Variants in HSPBAP1 observed in about 807,000 individuals in gnomAD.
HSPBAP1 encodes the protein HSPB1 associated protein 1, also known as HSPB1-associated protein 1.
Under a neutral mutation model 45.2 loss-of-function variants are expected in HSPBAP1, and 27 were observed. The ratio of observed to expected loss-of-function variants is 0.60; its 90% confidence interval spans 0.44 to 0.82. The LOEUF (loss-of-function observed/expected upper bound fraction) is 0.82, where lower values mean the gene tolerates loss of function less well. Among genes scored for constraint, HSPBAP1 ranks in the 40% least tolerant of loss-of-function variants. The pLI, the probability that HSPBAP1 is intolerant of heterozygous loss-of-function variation, is 0.00. For synonymous variants in HSPBAP1, 204 were observed against 202.7 expected (o/e 1.01, Z -0.06); for missense variants, 510 against 590.9 (o/e 0.86, Z 1.42).
chr3:122,748,459 C>T (rs1362780063), intron 6 of HSPBAP1, among the ~76,000 whole-genome samples: 3 of 151,638 alleles, frequency 2.0e-5, no homozygotes, highest in South Asian at 2.1e-4. Flanking sequence ...GATAAGAGAT[C>T]GAAATGCAAA....
chr3:122,779,369 T>C (rs1036639061), intron 1 of HSPBAP1, among the ~76,000 whole-genome samples: 7 of 151,748 alleles, frequency 4.6e-5, no homozygotes, highest in Non-Finnish European at 7.4e-5. Flanking sequence ...AGTTGAACAA[T>C]AGTCTGTTCA....
At chr3:122,746,889 G>A (rs62261661) in intron 6 of HSPBAP1, among the ~76,000 whole-genome samples, 1,727 of 152,144 alleles carry the variant, frequency 0.011, 12 homozygotes, top group Non-Finnish European at 0.016. Flanking sequence ...TCCTAACCGC[G>A]AGTGATCTGC....
intron 6 of HSPBAP1, 115 bp from the exon 7 acceptor site, chr3:122,741,228 G>C (rs1395174882): frequency 1.3e-6 from 1 of 789,632 alleles, no homozygotes; most frequent in Non-Finnish European, 2.1e-6. Flanking sequence ...CTTTGTTATA[G>C]AAGGAATGAA....
chr3:122,790,805 G>A (rs1935803034), intron 1 of HSPBAP1, among the ~76,000 whole-genome samples: 1 of 152,102 alleles, frequency 6.6e-6, no homozygotes. Flanking sequence ...AACATTGTGA[G>A]ACCCTGTATC....
intron 2 of HSPBAP1, among the ~76,000 whole-genome samples, chr3:122,776,590 T>G (rs1231052255): frequency 6.6e-6 from 1 of 152,238 alleles, no homozygotes; most frequent in Non-Finnish European, 1.5e-5. Flanking sequence ...ATTTCTATTT[T>G]TCTCCAAATT....
intron 3 of HSPBAP1, among the ~76,000 whole-genome samples, chr3:122,760,283 C>T (rs1934524208): frequency 6.6e-6 from 1 of 151,798 alleles, no homozygotes; most frequent in Non-Finnish European, 1.5e-5. Flanking sequence ...AAAAAACATA[C>T]TAGTGAACCA....
chr3:122,786,893 G>T (rs1305003651), intron 1 of HSPBAP1, among the ~76,000 whole-genome samples: 1 of 152,000 alleles, frequency 6.6e-6, no homozygotes, highest in Non-Finnish European at 1.5e-5. Context: ...CAATAAACTG[G>T]GCCATTAAAT....
At chr3:122,750,553 A>AATCT (rs1553752349) in intron 6 of HSPBAP1, among the ~76,000 whole-genome samples, 4 of 86,410 alleles carry the variant, frequency 4.6e-5, no homozygotes, top group Non-Finnish European at 1.1e-4. Flanking sequence ...CTATCTATCT[A>AATCT]ATCTATCTAT....
At chr3:122,746,443 A>T (rs1933855951) in intron 6 of HSPBAP1, among the ~76,000 whole-genome samples, 1 of 152,010 alleles carries the variant, frequency 6.6e-6, no homozygotes, top group Non-Finnish European at 1.5e-5. Flanking sequence ...CTAAATAAAT[A>T]GGCAGAAAGA....
intron 3 of HSPBAP1, chr3:122,761,988 G>C (rs1014300217): frequency 6.6e-6 from 1 of 152,046 alleles, no homozygotes; most frequent in African/African-American, 2.4e-5. Flanking sequence ...AAACCAAAAA[G>C]GGTGATCAGT....
chr3:122,746,297 GTTTT>G (rs55924449), intron 6 of HSPBAP1, among the ~76,000 whole-genome samples: 1 of 138,664 alleles, frequency 7.2e-6, no homozygotes, highest in African/African-American at 2.6e-5. Context: ...AAATCAAAAG[GTTTT>G]TTTTTTTTTT....
At chr3:122,770,645 G>A (rs1324428063) in intron 2 of HSPBAP1, among the ~76,000 whole-genome samples, 1 of 152,174 alleles carries the variant, frequency 6.6e-6, no homozygotes, top group Non-Finnish European at 1.5e-5. Flanking sequence ...AGGCTGCAGT[G>A]AGTAGAGATT....
chr3:122,741,184 T>C (rs899288952), intron 6 of HSPBAP1, 71 bp from the exon 7 acceptor site: 3 of 1,122,854 alleles, frequency 2.7e-6, no homozygotes, highest in Non-Finnish European at 4.0e-6. Context: ...AAAGTCTGTT[T>C]TAATTTCATC....
intron 4 of HSPBAP1, among the ~76,000 whole-genome samples, 191 bp from the exon 5 acceptor site, chr3:122,755,622 G>C (rs963009688): frequency 7.9e-5 from 12 of 151,456 alleles, no homozygotes; most frequent in Non-Finnish European, 1.3e-4. Flanking sequence ...CCGGGTGGAA[G>C]GTTGTGTAGC....
intron 6 of HSPBAP1, among the ~76,000 whole-genome samples, chr3:122,743,617 G>A (rs1933746763): frequency 6.6e-6 from 1 of 151,852 alleles, no homozygotes; most frequent in Non-Finnish European, 1.5e-5. Flanking sequence ...CATTTTTCTT[G>A]GGTATACACC....
At chr3:122,743,992 A>G (rs1210692968) in intron 6 of HSPBAP1, among the ~76,000 whole-genome samples, 1 of 152,200 alleles carries the variant, frequency 6.6e-6, no homozygotes, top group African/African-American at 2.4e-5. Flanking sequence ...CAGCCTGGGC[A>G]ACAGAATGAG....
At chr3:122,741,185 TA>T in intron 6 of HSPBAP1, 72 bp from the exon 7 acceptor site, 2 of 1,084,846 alleles carry the variant, frequency 1.8e-6, no homozygotes, top group East Asian at 4.8e-5. Context: ...AAGTCTGTTT[TA>T]ATTTCATCTT....
Position 122,768,824 on chromosome 3 carries a change from G to C in HSPBAP1, c.309C>G (p.Thr103=). 2 of 1,612,556 alleles carry C rather than the reference G, an allele frequency of 1.2e-6. No homozygotes were observed. Among genetic ancestry groups the C allele is most frequent in the Non-Finnish European group, 1.7e-6 (2 of 1,178,646 alleles). The change falls in exon 3 of 8, where the codon ACC becomes ACG. Residue 103 remains threonine (T), a synonymous_variant. Coordinates refer to ENST00000306103, the MANE Select transcript of HSPBAP1 (RefSeq NM_024610.6). The part of the protein sequence containing the change: ...YVEATLEEFL[T]WNCDQSSISG... Reference sequence around the variant, plus strand: ...AAATACTAGACTGGTCACAGTTCCAGGTCAGAAACTCTTCGAGTGTAGCTT... The same window carrying C: ...AAATACTAGACTGGTCACAGTTCCACGTCAGAAACTCTTCGAGTGTAGCTT...
chr3:122,748,386 AAAAAAAG>A (rs201493890), intron 6 of HSPBAP1, among the ~76,000 whole-genome samples: 24,655 of 151,958 alleles, frequency 0.16, 2,057 homozygotes, highest in African/African-American at 0.2. Context: ...AATTAAAAAA[AAAAAAAG>A]AAAAAAAAAT....
Sources: gnomAD v4.1 joint callset for allele counts (sites outside exome capture counted in the v4.1 genomes callset) on GRCh38, gnomAD v4.1.1 for gene constraint, MANE v1.5 for transcripts, NCBI Gene and HGNC (gene_info 2026-07-23, HGNC 2026-07-21) for gene names.